EEF1A2: variants seen among roughly 807,000 people sequenced by gnomAD.
EEF1A2 encodes eukaryotic translation elongation factor 1 alpha 2.
EEF1A2 carries 5 observed loss-of-function variants against 39.3 expected under a neutral mutation model. The observed-to-expected ratio is 0.13, with a 90% CI of 0.07 to 0.27. EEF1A2 has a LOEUF of 0.27. Ranked by LOEUF, EEF1A2 falls within the 10% of genes least tolerant of loss-of-function variation. EEF1A2 has a pLI of 1.00. For missense variants in EEF1A2, 218 were observed against 681.4 expected, an observed-to-expected ratio of 0.32 and a Z score of 7.57; for synonymous variants, 287 against 293.7, an observed-to-expected ratio of 0.98 and a Z score of 0.23.
At chr20:63,488,512 G>T in intron 7 of EEF1A2, 87 bp from the exon 8 acceptor site, 3 of 1,301,950 alleles carry the variant, frequency 2.3e-6, no homozygotes, top group South Asian at 1.9e-5. Flanking sequence ...GGGCGCAACC[G>T]CGTCGGGAAT....
At chr20:63,491,805 A>G (rs201778915) in intron 5 of EEF1A2, among the ~76,000 whole-genome samples, 12 of 34,688 alleles carry the variant, frequency 3.5e-4, no homozygotes, top group East Asian at 1.2e-3. Flanking sequence ...GAGGTAGATG[A>G]GTGGATGGAC....
intron 3 of EEF1A2, 96 bp downstream of exon 3, chr20:63,495,760 G>A (rs1347024134): frequency 2.0e-6 from 3 of 1,487,366 alleles, no homozygotes; most frequent in African/African-American, 1.4e-5. Flanking sequence ...AGGAAGCACA[G>A]GAGACCCTAC....
chr20:63,491,402 C>T (rs951794523), intron 5 of EEF1A2, among the ~76,000 whole-genome samples: 1 of 152,214 alleles, frequency 6.6e-6, no homozygotes, highest in African/African-American at 2.4e-5. Flanking sequence ...TACTGGGTCT[C>T]CACCCTCACC....
At chr20:63,493,907 G>A (rs575076048) in intron 4 of EEF1A2, among the ~76,000 whole-genome samples, 4 of 152,396 alleles carry the variant, frequency 2.6e-5, no homozygotes, top group Non-Finnish European at 5.9e-5. Flanking sequence ...GGCCAGAGGG[G>A]AGTGCAGGGT....
chr20:63,490,136 C>T (rs994883567), intron 6 of EEF1A2: 6 of 219,096 alleles, frequency 2.7e-5, no homozygotes, highest in South Asian at 9.3e-5. Context: ...GGCGCAATCT[C>T]GGCTCACTGC....
At chr20:63,492,472 A>G (rs1317078454) in intron 5 of EEF1A2, among the ~76,000 whole-genome samples, 991 of 39,108 alleles carry the variant, frequency 0.025, no homozygotes, top group Middle Eastern at 0.059. Context: ...ATGGATGGAG[A>G]GATGGATGGA....
In EEF1A2 at chr20:63,493,191, G is replaced by A. The variant is rs2145943591; in HGVS notation, c.718C>T (p.Arg240Cys). Residue 240 changes from arginine (R) to cysteine (C), a missense_variant, in exon 5 of 8, where the codon CGC becomes TGC. Transcript: ENST00000217182. The part of the protein sequence containing the change: ...EALDTILPPT[R>C]PTDKPLRLPL... The stretch of plus-strand genomic sequence containing the variant: ...AGGCGCAGGGGCTTGTCCGTGGGGC[G>A]CGTGGGGGGCAGGATGGTGTCCAGG... The A allele has an allele frequency of 1.3e-6, 2 of 1,548,826 alleles. No homozygotes were observed. Among genetic ancestry groups the A allele is most frequent in the Non-Finnish European group, 1.7e-6 (2 of 1,145,984 alleles).
chr20:63,497,415 A>C lies in EEF1A2; in HGVS notation c.144+205T>G. 3 of 697,840 alleles carry C rather than the reference A, an allele frequency of 4.3e-6. No individual in the cohort carries two copies. The highest frequency in any genetic ancestry group is 6.7e-5 in the East Asian group (2 of 29,692). 43.2% of individuals were successfully genotyped at this position (697,840 alleles called of 1,614,324 possible). Reference sequence around the variant, plus strand: ...GGGCAAGTCCGGCAGCTCGATGGCCACCCCTCCCCCACCAAGCTCCCCCTA... The same window carrying C: ...GGGCAAGTCCGGCAGCTCGATGGCCCCCCCTCCCCCACCAAGCTCCCCCTA... On this transcript the variant is annotated intron_variant, in intron 2 of 7. Transcript: ENST00000217182. This position sits in a 1 kb window ranked among gnomAD's most constrained non-coding sequence, Gnocchi z 7.3.
In EEF1A2 at chr20:63,488,424, G is replaced by T. The variant is rs202102758; in HGVS notation, c.1266C>A (p.Gly422=). Residue 422 remains glycine, a splice_region_variant and synonymous_variant, in exon 8 of 8, where the codon GGC becomes GGA. Transcript: ENST00000217182. The part of the protein sequence containing the change: ...VESFSQYPPL[G]RFAVRDMRQT... ...GCCTCATGTCGCGCACGGCGAAGCG[G>T]CCTGGGGGGCGGGGGGCGGCGTGTG... The T allele has an allele frequency of 3.7e-3, 5,403 of 1,451,404 alleles. 19 individuals are homozygous for T. The highest frequency in any genetic ancestry group is 4.5e-3 in the Non-Finnish European group (4,949 of 1,103,548). The allele number at this position is 1,451,404 out of a possible 1,614,324, so 89.9% of individuals were successfully genotyped here.
Position 63,493,241 on chromosome 20 carries a change from G to A in EEF1A2, c.668C>T (p.Ala223Val). ...GWKVERKEGN[A>V]SGVSLLEALD... ...GGCCTCCAGCAGGGACACGCCGCTT[G>A]CGTTGCCCTCCTTACGCTCCACCTT... is the stretch of plus-strand genomic sequence containing the variant. The change falls in exon 5 of 8, where the codon GCA becomes GTA. Residue 223 changes from alanine (A) to valine (V), a missense_variant. Ala to Val is a moderately conservative substitution (Grantham distance 64). This residue lies in a region of EEF1A2 where 79 missense variants were observed against 172.3 expected (regional missense o/e 0.46). Coordinates refer to ENST00000217182, the MANE Select transcript of EEF1A2 (RefSeq NM_001958.5). 6.5e-7 allele frequency: 1 copy of A among 1,545,926 alleles called. No individual in the cohort carries two copies. Among genetic ancestry groups the A allele is most frequent in the Non-Finnish European group, 8.7e-7 (1 of 1,143,840 alleles).
intron 5 of EEF1A2, among the ~76,000 whole-genome samples, chr20:63,492,305 AGTG>A (rs2082388256): frequency 1.0e-5 from 1 of 97,926 alleles, no homozygotes; most frequent in Non-Finnish European, 2.1e-5. Context: ...TAGGTGGGTG[AGTG>A]GATGAATGGA....
At chr20:63,488,475 C>T (rs527455556) in intron 7 of EEF1A2, 50 bp from the exon 8 acceptor site, 9 of 1,362,314 alleles carry the variant, frequency 6.6e-6, no homozygotes, top group African/African-American at 4.6e-5. Flanking sequence ...CTTGACCCCC[C>T]CCAACCCCAG....
At chr20:63,495,245 G>A (rs1314669220) in intron 3 of EEF1A2, 144 bp from the exon 4 acceptor site, 1 of 1,257,898 alleles carries the variant, frequency 7.9e-7, no homozygotes, top group Non-Finnish European at 1.1e-6. Context: ...GGGAGGCATG[G>A]GGGTCCCCAC....
chr20:63,495,761 G>A, intron 3 of EEF1A2, 95 bp downstream of exon 3: 1 of 1,489,122 alleles, frequency 6.7e-7, no homozygotes, highest in Admixed American at 2.0e-5. Context: ...GGAAGCACAG[G>A]AGACCCTACC....
chr20:63,495,158 G>A (rs1007416922), intron 3 of EEF1A2, 57 bp from the exon 4 acceptor site: 7 of 1,571,616 alleles, frequency 4.5e-6, no homozygotes, highest in African/African-American at 1.3e-5. Flanking sequence ...GGGACAGAGC[G>A]AGCCTGGCCC....
In EEF1A2 at chr20:63,498,949, G is replaced by A. The variant is rs2082431192; in HGVS notation, c.-72+109C>T. The A allele has an allele frequency of 6.7e-6, 1 of 149,486 alleles. No individual in the cohort carries two copies. The highest frequency in any genetic ancestry group is 2.4e-5 in the African/African-American group (1 of 41,226). The allele number at this position is 149,486 out of a possible 1,614,324, so 9.3% of individuals were successfully genotyped here. A position where few individuals can be genotyped will look rare whatever the true frequency, so the allele number is the denominator to read the frequency against. On this transcript the variant is annotated intron_variant, in intron 1 of 7. Coordinates refer to ENST00000217182, the MANE Select transcript of EEF1A2 (RefSeq NM_001958.5). This position sits in a 1 kb window ranked among gnomAD's most constrained non-coding sequence, Gnocchi z 4.1. ...CGGAAGCCGGACTCCGGGCGCGCGC[G>A]GGGGCGGGTGCGGGGCCCGGCCACC...
rs189096034 is a variant in EEF1A2 at position 63,489,904 on chromosome 20, G to A, written c.1029+575C>T. On this transcript the variant is annotated intron_variant, in intron 6 of 7. Transcript: ENST00000217182. The stretch of plus-strand genomic sequence containing the variant: ...GTTAACAAAAGCGTTTTTCTAGGAC[G>A]AATGTAGGACCTCAAAGGCTGGGCA... Among the ~76,000 whole-genome samples the A allele has an allele frequency of 5.3e-5, 8 of 152,336 alleles. No individual in the cohort carries two copies. In the East Asian group the frequency reaches 1.3e-3, roughly 26 times the overall value.
intron 4 of EEF1A2, among the ~76,000 whole-genome samples, chr20:63,494,307 C>T (rs1013108807): frequency 2.0e-5 from 3 of 152,232 alleles, no homozygotes; most frequent in African/African-American, 7.2e-5. Context: ...CCCAGGTGAC[C>T]GGCCAAGAGC....
Position 63,497,402 on chromosome 20 carries a change from CAGCTCGATGGCCACCCCTCCCCCACCA to C in EEF1A2, c.144+191_144+217del. On this transcript the variant is annotated intron_variant, in intron 2 of 7. Coordinates refer to ENST00000217182, the MANE Select transcript of EEF1A2 (RefSeq NM_001958.5). This position sits in a 1 kb window ranked among gnomAD's most constrained non-coding sequence, Gnocchi z 7.3. Reference sequence around the variant, plus strand: ...CTCCCTCACCACAGGGCAAGTCCGGCAGCTCGATGGCCACCCCTCCCCCACCAAGCTCCCCCTAAGAGAGAGGCTGCC... The same window carrying C: ...CTCCCTCACCACAGGGCAAGTCCGGCAGCTCCCCCTAAGAGAGAGGCTGCC... The C allele has an allele frequency of 1.7e-6, 1 of 605,656 alleles. No homozygotes were observed. Among genetic ancestry groups the C allele is most frequent in the Non-Finnish European group, 2.6e-6 (1 of 381,264 alleles). The allele number at this position is 605,656 out of a possible 1,614,324, so 37.5% of individuals were successfully genotyped here.
Sources: gnomAD v4.1 joint callset for allele counts (sites outside exome capture counted in the v4.1 genomes callset) on GRCh38, gnomAD v4.1.1 for gene constraint, gnomAD v4.1.1 regional missense constraint, Gnocchi (gnomAD v3.1) non-coding constraint, MANE v1.5 for transcripts, NCBI Gene and HGNC (gene_info 2026-07-23, HGNC 2026-07-21) for gene names.